Variants in ARAP3 observed in about 807,000 individuals in gnomAD.
ARAP3 encodes ArfGAP with RhoGAP domain, ankyrin repeat and PH domain 3.
Under a neutral mutation model 169.2 loss-of-function variants are expected in ARAP3, and 82 were observed. The ratio of observed to expected loss-of-function variants is 0.48; its 90% CI spans 0.41 to 0.58. The LOEUF is 0.58. Among genes scored for constraint, ARAP3 ranks in the 20% least tolerant of loss-of-function variants. ARAP3 has a pLI of 0.00. For missense variants in ARAP3, 1,764 were observed against 2,018.0 expected, an observed-to-expected ratio of 0.87 and a Z score of 2.41; for synonymous variants, 791 against 800.3, an observed-to-expected ratio of 0.99 and a Z score of 0.20.
intron 23 of ARAP3, 96 bp from the exon 24 acceptor site, chr5:141,658,749 CCAACAAA>C: frequency 9.0e-7 from 1 of 1,115,046 alleles, no homozygotes; most frequent in East Asian, 2.6e-5. Flanking sequence ...AGTGACTCTT[CCAACAAA>C]GGTCTCCTCC....
Position 141,672,969 on chromosome 5 carries a change from G to A in ARAP3, c.1093+44C>T, listed in dbSNP as rs200320547. ...CAGGTCAGTGGCTGTTGCTCACACA[G>A]CCTCCCTCCCTCCTGCCCTGACTCA... On this transcript the variant is annotated intron_variant, in intron 7 of 32. Coordinates refer to ENST00000239440, the MANE Select transcript of ARAP3 (RefSeq NM_022481.6). The surrounding 1 kb of genome is among the most constrained non-coding windows in gnomAD (Gnocchi z 4.9). The A allele has an allele frequency of 1.5e-4, 244 of 1,612,868 alleles. 3 individuals are homozygous for A. In the African/African-American group the frequency reaches 2.8e-3, roughly 18 times the overall value.
At position 141,680,436 on chromosome 5, in the gene ARAP3, G is replaced by A. The variant is rs1391716837; in HGVS notation, c.51C>T (p.His17=). The change falls in exon 2 of 33, where the codon CAC becomes CAT. Residue 17 remains histidine, a synonymous_variant. Transcript: ENST00000239440. ...GGAACGTGTCTGCATACTGCTCCAG[G>A]TGCACCGTGGCCAGCCACACAGCGA... is the stretch of plus-strand genomic sequence containing the variant. ...LDIAVWLATV[H]LEQYADTFRR... The A allele has an allele frequency of 9.3e-6, 15 of 1,610,794 alleles. No homozygotes were observed. The East Asian group carries it at 3.1e-4, about 34-fold the overall frequency.
chr5:141,680,536 AGGCTGAGAATCCCC>A (rs1200824505), intron 1 of ARAP3, 33 bp from the exon 2 acceptor site: 1 of 1,533,588 alleles, frequency 6.5e-7, no homozygotes, highest in Non-Finnish European at 8.7e-7. Context: ...GGGAGGGCTC[AGGCTGAGAATCCCC>A]CTCTCTGCCC....
intron 22 of ARAP3, 136 bp downstream of exon 22, chr5:141,659,639 GCTCT>G: frequency 7.4e-7 from 1 of 1,354,246 alleles, no homozygotes; most frequent in South Asian, 1.3e-5. Context: ...AAGGGCCAGG[GCTCT>G]GGGAGGTAGT....
intron 4 of ARAP3, among the ~76,000 whole-genome samples, chr5:141,676,125 G>A (rs925178689): frequency 2.6e-5 from 4 of 152,022 alleles, no homozygotes; most frequent in Non-Finnish European, 5.9e-5. Flanking sequence ...TTTGGCAGGC[G>A]GATCACGAGG....
In ARAP3 at chr5:141,670,545, C is replaced by T. The variant is rs2099911280; in HGVS notation, c.2074G>A (p.Ala692Thr). The change falls in exon 14 of 33, where the codon GCT becomes ACT. Residue 692 changes from alanine (A) to threonine (T), a missense_variant. Physicochemically the swap from Ala to Thr is moderately conservative, Grantham distance 58. Around this residue, in one of 3 missense-constraint regions of ARAP3, gnomAD observed 1,112 missense variants for 1,285.7 expected, o/e 0.86. Transcript: ENST00000239440. Reference sequence around the variant, plus strand: ...CCCCTGCGAGGGGGTGAGGGTCCAGCTTTGTTGCTGACGGGACTGCAGTAC... The same window carrying T: ...CCCCTGCGAGGGGGTGAGGGTCCAGTTTTGTTGCTGACGGGACTGCAGTAC... ...FLYCSPVSNK[A>T]GPSPPRRGRD... 1 of 1,613,970 alleles carries T rather than the reference C, an allele frequency of 6.2e-7. No individual in the cohort carries two copies. Among genetic ancestry groups the T allele is most frequent in the African/African-American group, 1.3e-5 (1 of 74,920 alleles).
intron 1 of ARAP3, among the ~76,000 whole-genome samples, chr5:141,681,014 A>G (rs1452884414): frequency 6.6e-6 from 1 of 152,030 alleles, no homozygotes; most frequent in Non-Finnish European, 1.5e-5. Flanking sequence ...GAGCCGATGT[A>G]TGCAGGCCTG....
chr5:141,655,182 TACACACACAC>T (rs3075597), intron 32 of ARAP3, among the ~76,000 whole-genome samples, 170 bp downstream of exon 32: 20 of 95,552 alleles, frequency 2.1e-4, no homozygotes, highest in African/African-American at 8.0e-4. Flanking sequence ...CCTGATGGCC[TACACACACAC>T]ACACACACAC....
At chr5:141,664,408 CA>C (rs950977353) in intron 19 of ARAP3, among the ~76,000 whole-genome samples, 36 of 151,908 alleles carry the variant, frequency 2.4e-4, no homozygotes, top group Admixed American at 6.6e-5. Context: ...CAACAACAAC[CA>C]AAAAAACTCA....
Position 141,669,947 on chromosome 5 carries a change from G to A in ARAP3, c.2224C>T (p.Pro742Ser), listed in dbSNP as rs201572652. Residue 742 changes from proline (P) to serine (S), a missense_variant, in exon 15 of 33, where the codon CCC (proline) becomes TCC (serine). Transcript: ENST00000239440. The stretch of plus-strand genomic sequence containing the variant: ...CTGTCACCTGGGTCAGTGGGTGGGG[G>A]GCTCACACCCAGACATACAATATCC... ...PQDIVCLGVS[P>S]PPTDPGDRFP... is the part of the protein sequence containing the mutation. 4.4e-6 allele frequency: 7 copies of A among 1,600,206 alleles called. No individual in the cohort carries two copies. In the Admixed American group the frequency reaches 1.1e-4, roughly 24 times the overall value.
At chr5:141,658,758 GTCTCCT>G in intron 23 of ARAP3, 105 bp from the exon 24 acceptor site, 1 of 1,011,660 alleles carries the variant, frequency 9.9e-7, no homozygotes, top group East Asian at 2.7e-5. Context: ...TCCAACAAAG[GTCTCCT>G]CCCAACCCCA....
Position 141,679,952 on chromosome 5 carries a change from A to C in ARAP3, c.524+11T>G. 1 of 1,613,660 alleles carries C rather than the reference A, an allele frequency of 6.2e-7. No individual in the cohort carries two copies. Among genetic ancestry groups the C allele is most frequent in the Non-Finnish European group, 8.5e-7 (1 of 1,179,832 alleles). On this transcript the variant is annotated intron_variant, in intron 2 of 32. Transcript: ENST00000239440. Reference sequence around the variant, plus strand: ...CCCAGCATCAGTCCCTAGGGAGCCAACTCCACTCACTTGTCCTGAGCTGCC... The same window carrying C: ...CCCAGCATCAGTCCCTAGGGAGCCACCTCCACTCACTTGTCCTGAGCTGCC...
chr5:141,673,890 C>T, intron 4 of ARAP3, 82 bp from the exon 5 acceptor site: 2 of 1,305,842 alleles, frequency 1.5e-6, no homozygotes, highest in South Asian at 1.3e-5. Context: ...ATCCTACTCA[C>T]ATCACCTAAG....
chr5:141,675,451 T>G (rs1281225431), intron 4 of ARAP3, among the ~76,000 whole-genome samples: 1 of 152,030 alleles, frequency 6.6e-6, no homozygotes, highest in Non-Finnish European at 1.5e-5. Flanking sequence ...CTGGGCGTGG[T>G]GGCTTATACC....
chr5:141,661,067 C>CTTTTTTTTT (rs562593165), intron 21 of ARAP3, among the ~76,000 whole-genome samples: 4 of 132,766 alleles, frequency 3.0e-5, no homozygotes, highest in Non-Finnish European at 6.5e-5. Context: ...TTTCTTTTTT[C>CTTTTTTTTT]TTTTTTTTTT....
In ARAP3 at chr5:141,655,601, G is replaced by C; in HGVS notation, c.4110+20C>G. On this transcript the variant is annotated intron_variant, in intron 31 of 32. Coordinates refer to ENST00000239440, the MANE Select transcript of ARAP3 (RefSeq NM_022481.6). ...GGCTACACGACAGGAATCGGGTTGGGGCAGGGTGGGGTGCCTTACCAGGGT... is the reference window on the plus strand; with the variant it reads ...GGCTACACGACAGGAATCGGGTTGGCGCAGGGTGGGGTGCCTTACCAGGGT... The C allele has an allele frequency of 6.2e-7, 1 of 1,613,928 alleles. No individual in the cohort carries two copies.
At chr5:141,664,303 G>T (rs1292471384) in intron 19 of ARAP3, among the ~76,000 whole-genome samples, 1 of 152,102 alleles carries the variant, frequency 6.6e-6, no homozygotes, top group Non-Finnish European at 1.5e-5. Context: ...AGAATTGCTT[G>T]AACCCGAGAA....
rs778484848 is a variant in ARAP3, at chr5:141,673,616, G to C, written c.891C>G (p.Leu297=). The change falls in exon 5 of 33, where the codon CTC becomes CTG. Residue 297 remains leucine, a synonymous_variant. Coordinates refer to ENST00000239440, the MANE Select transcript of ARAP3 (RefSeq NM_022481.6). ...TPLLSGWLDK[L]SPQGNYVFQR... is the part of the protein sequence containing the mutation. The stretch of plus-strand genomic sequence containing the variant: ...CTCCCAGCACCCACCCCTGAGGGGA[G>C]AGCTTGTCTAGCCAGCCACTGAGCA... The C allele has an allele frequency of 5.6e-6, 9 of 1,614,002 alleles. No homozygotes were observed. The highest frequency in any genetic ancestry group is 1.3e-5 in the African/African-American group (1 of 75,050).
Position 141,673,745 on chromosome 5 carries a change from T to C in ARAP3, c.762A>G (p.Gly254=). ...GGGTGGGCGATAAGAGGGTGGAGTC[T>C]CCAGGTAGCTCAAGGCTGGCATAGC... The part of the protein sequence containing the change: ...DAGYASLELP[G]DSTLLSPTLE... The change falls in exon 5 of 33, where the codon GGA becomes GGG. Residue 254 remains glycine (G), a synonymous_variant. Coordinates refer to ENST00000239440, the MANE Select transcript of ARAP3 (RefSeq NM_022481.6). 1 of 1,614,148 alleles carries C rather than the reference T, an allele frequency of 6.2e-7. No homozygotes were observed. The highest frequency in any genetic ancestry group is 1.1e-5 in the South Asian group (1 of 91,082).
Sources: gnomAD v4.1 joint callset for allele counts (sites outside exome capture counted in the v4.1 genomes callset) on GRCh38, gnomAD v4.1.1 for gene constraint, gnomAD v4.1.1 regional missense constraint, Gnocchi (gnomAD v3.1) non-coding constraint, MANE v1.5 for transcripts, NCBI Gene and HGNC (gene_info 2026-07-23, HGNC 2026-07-21) for gene names.